The following TJP1 variants were observed in gnomAD, a reference collection of about 807,000 sequenced individuals.
TJP1 encodes tight junction protein 1.
Under a neutral mutation model 194.2 loss-of-function variants are expected in TJP1, and 43 were observed. The ratio of observed to expected loss-of-function variants is 0.22; its 90% CI spans 0.17 to 0.29. The LOEUF (loss-of-function observed/expected upper bound fraction) is 0.29. TJP1 is among the 10% of genes least tolerant of loss of function. The probability of loss-of-function intolerance (pLI) is 1.00; values close to 1 mark genes in which losing one functional copy is unlikely to be tolerated. For missense variants in TJP1, 1,971 were observed against 2,185.7 expected, an observed-to-expected ratio of 0.90 and a Z score of 1.96; for synonymous variants, 801 against 779.0, an observed-to-expected ratio of 1.03 and a Z score of -0.47.
At chr15:29,898,360 T>A (rs1413274695) in intron 2 of TJP1, among the ~76,000 whole-genome samples, 1 of 152,224 alleles carries the variant, frequency 6.6e-6, no homozygotes. Flanking sequence ...GTAAGTCCAA[T>A]AAACCTCTTT....
intron 2 of TJP1, among the ~76,000 whole-genome samples, chr15:29,900,276 G>C (rs936158289): frequency 7.9e-5 from 12 of 152,162 alleles, no homozygotes; most frequent in Admixed American, 7.9e-4. Flanking sequence ...TGGTGAGAAG[G>C]GAGAGGTACA....
intron 2 of TJP1, among the ~76,000 whole-genome samples, chr15:29,947,685 A>C (rs2055331075): frequency 6.6e-6 from 1 of 152,148 alleles, no homozygotes; most frequent in African/African-American, 2.4e-5. Flanking sequence ...GTCCCTGGGG[A>C]GGGCATCTCC....
At chr15:29,732,564 A>C (rs929686873) in intron 14 of TJP1, 36 bp from the exon 15 acceptor site, 1 of 1,613,480 alleles carries the variant, frequency 6.2e-7, no homozygotes, top group African/African-American at 1.3e-5. Context: ...AGCATATTTT[A>C]TACCTTTTCT....
chr15:29,785,002 T>C (rs1390233376), intron 2 of TJP1, among the ~76,000 whole-genome samples: 2 of 152,228 alleles, frequency 1.3e-5, no homozygotes, highest in African/African-American at 2.4e-5. Context: ...TAAGAGACTA[T>C]CATGGTACCT....
chr15:29,766,295 A>T lies in TJP1; in HGVS notation c.560T>A (p.Val187Asp). The T allele has an allele frequency of 6.2e-7, 1 of 1,613,440 alleles. No individual in the cohort carries two copies. Among genetic ancestry groups the T allele is most frequent in the Non-Finnish European group, 8.5e-7 (1 of 1,179,814 alleles). The change falls in exon 5 of 28, where the codon GTC (valine) becomes GAC (aspartate). Residue 187 changes from valine (V) to aspartate (D), a missense_variant. Val to Asp is a radical substitution (Grantham distance 152, BLOSUM62 -3). Coordinates refer to ENST00000614355, the MANE Select transcript of TJP1 (RefSeq NM_001330239.4). ...ATTTTTCCGGGATTTCACCAGTGTG[A>T]CTTTAGTAGGTTTAGCAGGCTGGCT... ...ASSQPAKPTK[V>D]TLVKSRKNEE...
At position 29,726,813 on chromosome 15, in the gene TJP1, T is replaced by G. The variant is rs767459500; in HGVS notation, c.2279A>C (p.Lys760Thr). Reference protein sequence around the residue: ...SARKLYERSHKLRKNNHHLFT... With the variant: ...SARKLYERSHTLRKNNHHLFT... ...AAGATGGTGATTATTTTTACGAAGT[T>G]TATGAGATCGCTCGTATAACTTCCT... Residue 760 changes from lysine to threonine, a missense_variant, in exon 17 of 28, where the codon AAA becomes ACA. By Grantham distance (78) the Lys-to-Thr change is moderately conservative (BLOSUM62 -1). Around this residue, in one of 5 missense-constraint regions of TJP1, gnomAD observed 402 missense variants for 484.2 expected, o/e 0.83. Transcript: ENST00000614355. The G allele has an allele frequency of 3.1e-6, 5 of 1,614,110 alleles. No homozygotes were observed. The South Asian group carries it at 5.5e-5, about 18-fold the overall frequency.
chr15:29,819,367 CTCTG>C (rs1214621720), intron 1 of TJP1, among the ~76,000 whole-genome samples: 1 of 89,518 alleles, frequency 1.1e-5, no homozygotes, highest in Non-Finnish European at 3.0e-5. Context: ...GTTATCGTAT[CTCTG>C]TGTTTCAATT....
In TJP1 at chr15:29,742,668, T is replaced by C. The variant is rs1339336527; in HGVS notation, c.1124A>G (p.Asn375Ser). 6.3e-7 allele frequency: 1 copy of C among 1,584,894 alleles called. No individual in the cohort carries two copies. Among genetic ancestry groups the C allele is most frequent in the Admixed American group, 1.8e-5 (1 of 55,116 alleles). ...KTVEEVTVER[N>S]EKQTPSLPEP... ...TGGAAGAGAAGGTGTTTGTTTCTCA[T>C]TTCTTTCAACTGTAACTTCTTCCAC... is the stretch of plus-strand genomic sequence containing the variant. Residue 375 changes from asparagine (N) to serine (S), a missense_variant, in exon 9 of 28, where the codon AAT becomes AGT. By Grantham distance (46) the Asn-to-Ser change is conservative. Around this residue, in one of 5 missense-constraint regions of TJP1, gnomAD observed 192 missense variants for 182.3 expected, o/e 1.05. Transcript: ENST00000614355.
At chr15:29,762,286 G>T in intron 6 of TJP1, 49 bp downstream of exon 6, 1 of 1,491,264 alleles carries the variant, frequency 6.7e-7, no homozygotes, top group Non-Finnish European at 9.2e-7. Flanking sequence ...GGTAACTCTA[G>T]AACTTGTTTT....
upstream of TJP1, chr15:29,822,571 G>A (rs1167415835): frequency 1.2e-6 from 1 of 807,302 alleles, no homozygotes; most frequent in Non-Finnish European, 1.5e-6. Context: ...GCCGCGGCGG[G>A]GGAGGGGGCG....
At chr15:29,746,939 T>C (rs1243485983) in intron 8 of TJP1, among the ~76,000 whole-genome samples, 1 of 151,662 alleles carries the variant, frequency 6.6e-6, no homozygotes, top group Non-Finnish European at 1.5e-5. Flanking sequence ...AGATATTTTC[T>C]AGCTCAAACA....
intron 1 of TJP1, among the ~76,000 whole-genome samples, chr15:29,960,565 C>T (rs1006499134): frequency 2.7e-5 from 4 of 150,236 alleles, no homozygotes; most frequent in South Asian, 2.1e-4. Flanking sequence ...AAGGCCAGGA[C>T]GTCGAGGTTG....
intron 18 of TJP1, among the ~76,000 whole-genome samples, chr15:29,721,598 C>A (rs2042931820): frequency 6.6e-6 from 1 of 152,132 alleles, no homozygotes; most frequent in South Asian, 2.1e-4. Flanking sequence ...AGAAGTAGGG[C>A]ATTGCCAAAA....
At chr15:29,740,356 T>G (rs1225325138) in intron 10 of TJP1, among the ~76,000 whole-genome samples, 1 of 152,160 alleles carries the variant, frequency 6.6e-6, no homozygotes, top group East Asian at 1.9e-4. Context: ...CTGGGTACAG[T>G]GGCTCACATC....
At chr15:29,902,621 T>C (rs917137227) in intron 2 of TJP1, among the ~76,000 whole-genome samples, 1 of 152,324 alleles carries the variant, frequency 6.6e-6, no homozygotes, top group East Asian at 1.9e-4. Flanking sequence ...TAAGGCATCA[T>C]TTGCTCAGCC....
intron 24 of TJP1, among the ~76,000 whole-genome samples, chr15:29,709,795 A>G (rs1011381534): frequency 1.3e-5 from 2 of 152,186 alleles, no homozygotes; most frequent in Non-Finnish European, 2.9e-5. Flanking sequence ...AAGAGGTCCA[A>G]TTTCACCACT....
intron 8 of TJP1, among the ~76,000 whole-genome samples, chr15:29,753,779 C>G (rs1366408437): frequency 1.3e-5 from 2 of 148,530 alleles, no homozygotes; most frequent in African/African-American, 2.5e-5. Flanking sequence ...TCATATCTTT[C>G]TAACTGGCAC....
At chr15:29,824,431 G>A (rs554852163), upstream of TJP1, among the ~76,000 whole-genome samples, 2 of 142,852 alleles carry the variant, frequency 1.4e-5, no homozygotes, top group Admixed American at 7.3e-5. Context: ...CAACAAGAGC[G>A]AAACTCCGTC....
chr15:29,910,209 C>T (rs1180492244), intron 2 of TJP1, among the ~76,000 whole-genome samples: 1 of 152,144 alleles, frequency 6.6e-6, no homozygotes, highest in Non-Finnish European at 1.5e-5. Context: ...AACGTTTATA[C>T]TAAGAAATGT....
Sources: gnomAD v4.1 joint callset for allele counts (sites outside exome capture counted in the v4.1 genomes callset) on GRCh38, gnomAD v4.1.1 for gene constraint, gnomAD v4.1.1 regional missense constraint, MANE v1.5 for transcripts, NCBI Gene and HGNC (gene_info 2026-07-23, HGNC 2026-07-21) for gene names.